Variants in GRK3 observed in about 807,000 individuals in gnomAD.
The protein encoded by GRK3 is adrenergic, beta, receptor kinase 2.
A neutral mutation model predicts 95.7 loss-of-function variants in GRK3; 54 were observed. The ratio of observed to expected loss-of-function variants is 0.56; its 90% CI spans 0.45 to 0.71. The LOEUF (loss-of-function observed/expected upper bound fraction) is 0.71, where lower values mean the gene tolerates loss of function less well. Ranked by LOEUF, GRK3 falls within the 30% of genes least tolerant of loss-of-function variation. The probability of loss-of-function intolerance (pLI) is 0.00; values close to 1 mark genes in which losing one functional copy is unlikely to be tolerated. For missense variants in GRK3, 649 were observed against 851.2 expected (o/e 0.76, Z 2.96); for synonymous variants, 281 against 290.8 (o/e 0.97, Z 0.34).
chr22:25,699,767 C>T (rs1233610033), intron 13 of GRK3, among the ~76,000 whole-genome samples: 4 of 148,906 alleles, frequency 2.7e-5, no homozygotes, highest in East Asian at 4.0e-4. Flanking sequence ...GGTGCAATCT[C>T]GGCTCACTGC....
intron 2 of GRK3, among the ~76,000 whole-genome samples, chr22:25,619,650 G>GTTTTTTTTTTT (rs536273282): frequency 2.8e-5 from 3 of 107,926 alleles, no homozygotes; most frequent in Non-Finnish European, 5.3e-5. Flanking sequence ...TACCTGGCTA[G>GTTTTTTTTTTT]TTTTTTTTTT....
At chr22:25,624,866 A>G (rs1051770191) in intron 2 of GRK3, among the ~76,000 whole-genome samples, 9 of 151,980 alleles carry the variant, frequency 5.9e-5, no homozygotes, top group South Asian at 2.1e-4. Context: ...CATTAGTATC[A>G]AACTGTTATT....
At chr22:25,577,539 A>G (rs181617942) in intron 1 of GRK3, among the ~76,000 whole-genome samples, 8 of 152,316 alleles carry the variant, frequency 5.3e-5, no homozygotes, top group African/African-American at 1.9e-4. Context: ...GTGATGGAAA[A>G]TTAATGGAGC....
At chr22:25,657,842 A>G (rs1247951985) in intron 3 of GRK3, among the ~76,000 whole-genome samples, 11 of 152,080 alleles carry the variant, frequency 7.2e-5, no homozygotes, top group African/African-American at 1.7e-4. Flanking sequence ...TATCTGTCCT[A>G]TATATCCTGG....
Position 25,704,221 on chromosome 22 carries a change from T to C in GRK3, c.1328+12T>C. ...TGTCACGGAGGCGGGTAGGCCATTG[T>C]TCCTGCCTTTCGGTATCTTTACCAG... is the stretch of plus-strand genomic sequence containing the variant. On this transcript the variant is annotated intron_variant, in intron 15 of 20. Transcript: ENST00000324198. The C allele has an allele frequency of 6.2e-7, 1 of 1,602,584 alleles. No individual in the cohort carries two copies. Among genetic ancestry groups the C allele is most frequent in the Non-Finnish European group, 8.5e-7 (1 of 1,171,602 alleles).
Position 25,718,260 on chromosome 22 carries a change from A to T in GRK3, c.1670A>T (p.Lys557Met). The change falls in exon 19 of 21, where the codon AAG (lysine) becomes ATG (methionine). Residue 557 changes from lysine to methionine, a missense_variant. Lys to Met is a moderately conservative substitution (Grantham distance 95). Transcript: ENST00000324198. ...TATTCCTCAGATTACGCTCTGGGGA[A>T]GGACTGTATTATGCACGGGTACATG... ...LGHEEDYALGKDCIMHGYMLK... is the reference protein window; with the variant it reads ...LGHEEDYALGMDCIMHGYMLK... 6.2e-7 allele frequency: 1 copy of T among 1,614,000 alleles called. No individual in the cohort carries two copies. The highest frequency in any genetic ancestry group is 8.5e-7 in the Non-Finnish European group (1 of 1,179,936).
In GRK3 at chr22:25,584,001, G is replaced by A. The variant is rs555135159; in HGVS notation, c.113+18848G>A. 3.9e-5 allele frequency among the ~76,000 whole-genome samples: 6 copies of A among 152,312 alleles called. No individual in the cohort carries two copies. The South Asian group carries it at 1.2e-3, about 32-fold the overall frequency. ...GGCAGCTTATGTGAGAAAAATACTA[G>A]AGAAAAGCTAATGATTTATTAATGA... is the stretch of plus-strand genomic sequence containing the variant. On this transcript the variant is annotated intron_variant, in intron 1 of 20. Coordinates refer to ENST00000324198, the MANE Select transcript of GRK3 (RefSeq NM_005160.4).
intron 17 of GRK3, among the ~76,000 whole-genome samples, chr22:25,711,729 G>A (rs934724875): frequency 6.6e-6 from 1 of 152,132 alleles, no homozygotes; most frequent in South Asian, 2.1e-4. Flanking sequence ...CTGGGTCAAA[G>A]TGTATCACTA....
intron 3 of GRK3, among the ~76,000 whole-genome samples, chr22:25,651,540 C>A (rs1335685253): frequency 6.6e-6 from 1 of 152,122 alleles, no homozygotes; most frequent in Non-Finnish European, 1.5e-5. Flanking sequence ...AGAAGAGTGA[C>A]GTCATTATTT....
intron 1 of GRK3, among the ~76,000 whole-genome samples, chr22:25,577,839 AAGAT>A (rs1447077719): frequency 6.6e-5 from 10 of 152,222 alleles, no homozygotes; most frequent in African/African-American, 2.4e-4. Context: ...GCCTTTCTCT[AAGAT>A]AGACACCTAG....
chr22:25,706,846 A>G lies in GRK3; in HGVS notation c.1328+2637A>G, dbSNP rs191899976. ...CCTATTTTTGTTTTTTAAAAGTGAT[A>G]GTATCTCACTCTGTCACCCAGACTG... is the stretch of plus-strand genomic sequence containing the variant. On this transcript the variant is annotated intron_variant, in intron 15 of 20. Coordinates refer to ENST00000324198, the MANE Select transcript of GRK3 (RefSeq NM_005160.4). Among the ~76,000 whole-genome samples the G allele has an allele frequency of 2.0e-4, 31 of 152,048 alleles. No individual in the cohort carries two copies. In the East Asian group the frequency reaches 5.6e-3, roughly 28 times the overall value.
intron 5 of GRK3, among the ~76,000 whole-genome samples, chr22:25,665,441 A>T (rs1200675363): frequency 6.6e-6 from 1 of 151,954 alleles, no homozygotes; most frequent in Non-Finnish European, 1.5e-5. Flanking sequence ...AATAACATTG[A>T]AAAAAAATTG....
chr22:25,620,131 G>A (rs531233206), intron 2 of GRK3, among the ~76,000 whole-genome samples: 1 of 151,916 alleles, frequency 6.6e-6, no homozygotes, highest in South Asian at 2.1e-4. Context: ...CAGAGACAGA[G>A]GGAGGGGCGC....
intron 1 of GRK3, among the ~76,000 whole-genome samples, chr22:25,582,106 G>A (rs1167966571): frequency 2.0e-5 from 3 of 151,982 alleles, no homozygotes; most frequent in Non-Finnish European, 4.4e-5. Context: ...GTGAATCCTC[G>A]TCGCTACTAA....
chr22:25,603,236 G>T (rs2084421248), intron 1 of GRK3, among the ~76,000 whole-genome samples: 1 of 151,940 alleles, frequency 6.6e-6, no homozygotes, highest in Non-Finnish European at 1.5e-5. Context: ...CTTTAAGTGT[G>T]CATTTAATTG....
intron 17 of GRK3, among the ~76,000 whole-genome samples, chr22:25,711,731 G>A (rs1002125485): frequency 1.3e-5 from 2 of 152,244 alleles, no homozygotes; most frequent in African/African-American, 4.8e-5. Context: ...GGGTCAAAGT[G>A]TATCACTACA....
intron 6 of GRK3, among the ~76,000 whole-genome samples, chr22:25,670,435 G>A (rs1569187031): frequency 6.6e-6 from 1 of 151,964 alleles, no homozygotes; most frequent in Non-Finnish European, 1.5e-5. Flanking sequence ...TAGGAATTGA[G>A]GGTTGTATCG....
intron 8 of GRK3, among the ~76,000 whole-genome samples, chr22:25,677,377 T>TGA (rs2085038610): frequency 9.4e-5 from 4 of 42,554 alleles, no homozygotes; most frequent in African/African-American, 4.1e-4. Flanking sequence ...CCCCATATCT[T>TGA]AAAAAAAAAA....
At chr22:25,682,209 A>G (rs2085080029) in intron 9 of GRK3, among the ~76,000 whole-genome samples, 2 of 152,202 alleles carry the variant, frequency 1.3e-5, no homozygotes, top group South Asian at 4.1e-4. Flanking sequence ...TGACTTGTGC[A>G]GAGGTGACCG....
Sources: allele counts gnomAD v4.1 joint callset (sites outside exome capture counted in the v4.1 genomes callset), GRCh38; gene constraint gnomAD v4.1.1; transcripts MANE v1.5; gene names NCBI Gene and HGNC (gene_info 2026-07-23, HGNC 2026-07-21).